HPGDS: variants seen among roughly 807,000 people sequenced by gnomAD.
The protein encoded by HPGDS is GST class-sigma.
Under a neutral mutation model 23.1 loss-of-function variants are expected in HPGDS, and 26 were observed. That is an observed-to-expected ratio of 1.13 (90% CI 0.83 to 1.56). The LOEUF is 1.56. HPGDS is among the 40% of genes most tolerant of loss of function. HPGDS has a pLI of 0.00. For synonymous variants in HPGDS, 95 were observed against 77.9 expected (o/e 1.22, Z -1.16); for missense variants, 268 against 236.4 (o/e 1.13, Z -0.88).
intron 3 of HPGDS, among the ~76,000 whole-genome samples, chr4:94,314,679 C>T (rs551867769): frequency 2.2e-4 from 34 of 152,260 alleles, no homozygotes; most frequent in African/African-American, 7.2e-4. Context: ...CAGATAGGGA[C>T]ATTTAAGTCT....
At chr4:94,321,685 A>C (rs1756512667) in intron 2 of HPGDS, among the ~76,000 whole-genome samples, 1 of 152,086 alleles carries the variant, frequency 6.6e-6, no homozygotes, top group Non-Finnish European at 1.5e-5. Context: ...GGGTTTTCTA[A>C]ATATACAATC....
rs1340882937 is a variant in HPGDS at position 94,309,158 on chromosome 4, A to T, written c.227-415T>A. Among the ~76,000 whole-genome samples the T allele has an allele frequency of 2.0e-5, 3 of 148,332 alleles. No individual in the cohort carries two copies. In the East Asian group the frequency reaches 6.0e-4, roughly 29 times the overall value. On this transcript the variant is annotated intron_variant, in intron 3 of 5. Coordinates refer to ENST00000295256, the MANE Select transcript of HPGDS (RefSeq NM_014485.3). ...AATTATACTTTAAGTTCTAAGGTAC[A>T]TGTGCACAACATTCAGGTTTGTTAC...
At chr4:94,304,196 A>G (rs1756098690) in intron 4 of HPGDS, among the ~76,000 whole-genome samples, 1 of 152,064 alleles carries the variant, frequency 6.6e-6, no homozygotes, top group South Asian at 2.1e-4. Flanking sequence ...AGAGGTTCGT[A>G]TATTTCTCAA....
chr4:94,340,323 T>TCTTTCTTTC (rs1560598085), intron 1 of HPGDS, among the ~76,000 whole-genome samples: 3 of 18,690 alleles, frequency 1.6e-4, no homozygotes, highest in Non-Finnish European at 2.0e-4. Context: ...TTTTTTTTTT[T>TCTTTCTTTC]TTTTTTTTTT....
chr4:94,299,279 G>T lies in HPGDS; in HGVS notation c.*201C>A. 2.0e-6 allele frequency: 1 copy of T among 501,956 alleles called. No individual in the cohort carries two copies. The highest frequency in any genetic ancestry group is 3.0e-5 in the East Asian group (1 of 32,910). 31.1% of individuals were successfully genotyped at this position (501,956 alleles called of 1,614,324 possible). A position where few individuals can be genotyped will look rare whatever the true frequency, so the allele number is the denominator to read the frequency against. ...CTATTTTTCTGTAATTGTAAATGATGAGAAGCTATTCTGAAAGAAAAAGAT... is the reference window on the plus strand; with the variant it reads ...CTATTTTTCTGTAATTGTAAATGATTAGAAGCTATTCTGAAAGAAAAAGAT... On this transcript the variant is annotated 3_prime_UTR_variant, in exon 6 of 6. Transcript: ENST00000295256.
chr4:94,300,885 C>A (rs186190746), intron 5 of HPGDS, among the ~76,000 whole-genome samples: 5 of 152,212 alleles, frequency 3.3e-5, no homozygotes, highest in Admixed American at 2.6e-4. Flanking sequence ...TGCGTAAAGG[C>A]CCTTAAGTGG....
chr4:94,299,737 T>C (rs1755998229), intron 5 of HPGDS, 93 bp from the exon 6 acceptor site: 17 of 1,156,186 alleles, frequency 1.5e-5, no homozygotes, highest in Non-Finnish European at 1.2e-6. Context: ...ATCTAAAAGA[T>C]TCAAAACAAT....
At chr4:94,321,523 CA>C (rs1756508987) in intron 2 of HPGDS, among the ~76,000 whole-genome samples, 2 of 152,282 alleles carry the variant, frequency 1.3e-5, no homozygotes, top group Non-Finnish European at 2.9e-5. Context: ...CTCTTTGAAG[CA>C]ATTGTGAATG....
intron 2 of HPGDS, among the ~76,000 whole-genome samples, chr4:94,322,630 G>A (rs1440836814): frequency 6.6e-6 from 1 of 151,952 alleles, no homozygotes; most frequent in African/African-American, 2.4e-5. Context: ...ATTTTTCATT[G>A]CATCTATTTG....
At chr4:94,333,325 C>G (rs555603936) in intron 2 of HPGDS, among the ~76,000 whole-genome samples, 1 of 152,120 alleles carries the variant, frequency 6.6e-6, no homozygotes. Flanking sequence ...AATATGTGAC[C>G]GTTGGGCTTA....
chr4:94,308,812 A>G (rs1176387686), intron 3 of HPGDS, 69 bp from the exon 4 acceptor site: 5 of 768,204 alleles, frequency 6.5e-6, no homozygotes, highest in South Asian at 1.7e-5. Context: ...TTTAACAGAT[A>G]GTATACTCAT....
At chr4:94,341,709 C>A (rs1721178004) in intron 1 of HPGDS, among the ~76,000 whole-genome samples, 1 of 152,134 alleles carries the variant, frequency 6.6e-6, no homozygotes, top group Non-Finnish European at 1.5e-5. Context: ...ACAAAGATTA[C>A]TTGTGAATTT....
chr4:94,327,163 A>G (rs1023393625), intron 2 of HPGDS, among the ~76,000 whole-genome samples: 5 of 151,956 alleles, frequency 3.3e-5, no homozygotes, highest in African/African-American at 1.2e-4. Context: ...AGTGCTGGGT[A>G]AGGCAGATCC....
chr4:94,313,427 G>T (rs1341709214), intron 3 of HPGDS, among the ~76,000 whole-genome samples: 2 of 151,584 alleles, frequency 1.3e-5, no homozygotes, highest in Non-Finnish European at 2.9e-5. Context: ...GAAATTCTGG[G>T]TTGAAAATTC....
intron 2 of HPGDS, among the ~76,000 whole-genome samples, chr4:94,319,230 T>C (rs1462752976): frequency 6.6e-6 from 1 of 152,236 alleles, no homozygotes; most frequent in Non-Finnish European, 1.5e-5. Context: ...TTTACAATTG[T>C]TATATCTTCT....
chr4:94,312,794 G>T (rs1756303845), intron 3 of HPGDS, among the ~76,000 whole-genome samples: 1 of 152,052 alleles, frequency 6.6e-6, no homozygotes, highest in South Asian at 2.1e-4. Context: ...GGTCTCTAAG[G>T]ACTTGGTTTA....
intron 5 of HPGDS, 93 bp downstream of exon 5, chr4:94,302,053 C>A (rs895956403): frequency 8.4e-6 from 6 of 714,496 alleles, no homozygotes; most frequent in African/African-American, 5.4e-5. Flanking sequence ...TCTATCCCCT[C>A]CCTATAGGTA....
chr4:94,320,902 C>T (rs1756494680), intron 2 of HPGDS, among the ~76,000 whole-genome samples: 1 of 152,192 alleles, frequency 6.6e-6, no homozygotes, highest in Non-Finnish European at 1.5e-5. Context: ...TTAGGTCTGA[C>T]ATTGAAGTCT....
At position 94,340,838 on chromosome 4, in the gene HPGDS, TTTTTTTCTTTC is replaced by T. The variant is rs1220893091; in HGVS notation, c.-10+1946_-10+1956del. Among the ~76,000 whole-genome samples the T allele has an allele frequency of 9.0e-5, 12 of 133,190 alleles. 1 individual carries two copies. The highest frequency in any genetic ancestry group is 3.2e-4 in the African/African-American group (11 of 34,806). 87.4% of individuals were successfully genotyped at this position (133,190 alleles called of 152,430 possible). A position where few individuals can be genotyped will look rare whatever the true frequency, so the allele number is the denominator to read the frequency against. ...CACGCCCGGCAAATTTTTTTCTTTT[TTTTTTTCTTTC>T]TTTTTTTTTTTTTGAGACGGAGTCT... is the stretch of plus-strand genomic sequence containing the variant. On this transcript the variant is annotated intron_variant, in intron 1 of 5. Transcript: ENST00000295256.
Sources: allele counts gnomAD v4.1 joint callset (sites outside exome capture counted in the v4.1 genomes callset), GRCh38; gene constraint gnomAD v4.1.1; transcripts MANE v1.5; gene names NCBI Gene and HGNC (gene_info 2026-07-23, HGNC 2026-07-21).